The following TTC6 variants were observed in gnomAD, a reference collection of about 807,000 sequenced individuals.
TTC6 encodes the protein tetratricopeptide repeat protein 6.
TTC6 carries 172 observed loss-of-function variants against 210.4 expected under a neutral mutation model. The ratio of observed to expected loss-of-function variants is 0.82; its 90% CI spans 0.72 to 0.93. TTC6 has a LOEUF of 0.93. Among genes scored for constraint, TTC6 ranks in the 40% least tolerant of loss-of-function variants. The pLI, the probability that TTC6 is intolerant of heterozygous loss-of-function variation, is 0.00. For synonymous variants in TTC6, 804 were observed against 819.6 expected, an observed-to-expected ratio of 0.98 and a Z score of 0.32; for missense variants, 2,414 against 2,318.1, an observed-to-expected ratio of 1.04 and a Z score of -0.85.
At chr14:37,762,985 C>T (rs952272016) in intron 14 of TTC6, among the ~76,000 whole-genome samples, 7 of 150,626 alleles carry the variant, frequency 4.6e-5, no homozygotes, top group East Asian at 3.9e-4. Context: ...CCCGGGTTCA[C>T]GCCATTCTCC....
At chr14:37,675,758 T>C (rs1032328698) in intron 1 of TTC6, among the ~76,000 whole-genome samples, 7 of 151,906 alleles carry the variant, frequency 4.6e-5, no homozygotes, top group African/African-American at 1.4e-4. Context: ...TTCTTTTTTT[T>C]TTTTTTATAG....
intron 14 of TTC6, among the ~76,000 whole-genome samples, chr14:37,771,876 C>T (rs1405824607): frequency 1.3e-5 from 2 of 152,130 alleles, no homozygotes; most frequent in African/African-American, 2.4e-5. Flanking sequence ...GGAGGAGAGG[C>T]GCTCTGCTTT....
Position 37,730,861 on chromosome 14 carries a change from G to A in TTC6, c.1819-5060G>A, listed in dbSNP as rs114028681. Reference sequence around the variant, plus strand: ...GGTCTTGTTTAAAATGAAGACTTAAGTCTTTTTACATGTCATTTTTCCATT... The same window carrying A: ...GGTCTTGTTTAAAATGAAGACTTAAATCTTTTTACATGTCATTTTTCCATT... On this transcript the variant is annotated intron_variant, in intron 7 of 30. Coordinates refer to ENST00000553443, the Ensembl canonical transcript of TTC6. 4.2e-3 allele frequency among the ~76,000 whole-genome samples: 640 copies of A among 152,278 alleles called. 4 individuals are homozygous for A. The highest frequency in any genetic ancestry group is 0.015 in the African/African-American group (611 of 41,550).
intron 25 of TTC6, among the ~76,000 whole-genome samples, 171 bp from the exon 28 acceptor site, chr14:37,817,407 G>A (rs1260461075): frequency 6.6e-6 from 1 of 152,090 alleles, no homozygotes; most frequent in Non-Finnish European, 1.5e-5. Context: ...GATACTACAA[G>A]GAAAATATAA....
At chr14:37,646,109 T>C (rs1197347209) in intron 1 of TTC6, among the ~76,000 whole-genome samples, 1 of 152,090 alleles carries the variant, frequency 6.6e-6, no homozygotes, top group Non-Finnish European at 1.5e-5. Context: ...GAAAATGAAA[T>C]AACAGTGCAA....
At chr14:37,812,411 G>A (rs2139437858) in exon 25 of TTC6, 3 of 1,609,488 alleles carry the variant, frequency 1.9e-6, no homozygotes, top group Non-Finnish European at 2.5e-6. Context: ...GTAGAACTAG[G>A]CCAGTATGGC....
chr14:37,706,381 C>T (rs1035444470), intron 5 of TTC6, among the ~76,000 whole-genome samples: 1 of 152,072 alleles, frequency 6.6e-6, no homozygotes, highest in African/African-American at 2.4e-5. Flanking sequence ...GGTGTCTCCT[C>T]ATCTCTTGAC....
chr14:37,610,480 T>C (rs2095632499), intron 2 of TTC6, among the ~76,000 whole-genome samples: 2 of 152,218 alleles, frequency 1.3e-5, no homozygotes, highest in Admixed American at 1.3e-4. Context: ...CTAAGTGTAC[T>C]GAGCAAAGCA....
At chr14:37,618,913 A>G (rs1344439524), upstream of TTC6, among the ~76,000 whole-genome samples, 1 of 152,182 alleles carries the variant, frequency 6.6e-6, no homozygotes, top group Non-Finnish European at 1.5e-5. Context: ...CAAGTGGGAG[A>G]GTCAAGTCAG....
intron 10 of TTC6, among the ~76,000 whole-genome samples, chr14:37,741,516 C>G (rs2095919803): frequency 6.6e-6 from 1 of 152,024 alleles, no homozygotes; most frequent in African/African-American, 2.4e-5. Context: ...TCTCGAATTC[C>G]TGACTTCAGG....
At chr14:37,711,917 T>G (rs2095845362) in intron 5 of TTC6, among the ~76,000 whole-genome samples, 1 of 152,116 alleles carries the variant, frequency 6.6e-6, no homozygotes, top group Admixed American at 6.5e-5. Flanking sequence ...AGATTGGTGA[T>G]GAAGAGATTT....
At chr14:37,786,915 A>G (rs2096069062) in intron 14 of TTC6, among the ~76,000 whole-genome samples, 1 of 152,206 alleles carries the variant, frequency 6.6e-6, no homozygotes, top group African/African-American at 2.4e-5. Flanking sequence ...GATCTAAGTC[A>G]GTGATAATTT....
chr14:37,665,835 G>A (rs1282593210), intron 1 of TTC6, among the ~76,000 whole-genome samples: 2 of 150,270 alleles, frequency 1.3e-5, no homozygotes, highest in East Asian at 3.9e-4. Context: ...TCTTTGTGAT[G>A]AGATACTCAG....
intron 6 of TTC6, among the ~76,000 whole-genome samples, chr14:37,723,052 CATT>C (rs1006152050): frequency 6.6e-6 from 1 of 152,128 alleles, no homozygotes; most frequent in Non-Finnish European, 1.5e-5. Context: ...TACAGTACTA[CATT>C]ATTATTATTA....
chr14:37,724,039 C>G (rs986291604), intron 6 of TTC6, among the ~76,000 whole-genome samples: 4 of 151,922 alleles, frequency 2.6e-5, no homozygotes, highest in Non-Finnish European at 4.4e-5. Flanking sequence ...ATCTCCTAGG[C>G]CTGATTAATT....
chr14:37,643,515 A>G (rs1024809947), intron 1 of TTC6, among the ~76,000 whole-genome samples: 4 of 152,154 alleles, frequency 2.6e-5, no homozygotes, highest in African/African-American at 2.4e-5. Context: ...CAGGATTGCT[A>G]TGATCACATG....
intron 1 of TTC6, among the ~76,000 whole-genome samples, chr14:37,672,611 A>G (rs894937955): frequency 6.6e-6 from 1 of 152,176 alleles, no homozygotes; most frequent in African/African-American, 2.4e-5. Context: ...GCTATAACCT[A>G]GAATCAGGCA....
At chr14:37,769,008 A>T (rs932385884) in intron 14 of TTC6, among the ~76,000 whole-genome samples, 3 of 152,146 alleles carry the variant, frequency 2.0e-5, no homozygotes, top group Admixed American at 6.5e-5. Context: ...GTTTTTAGCA[A>T]GAAGGGCTGT....
rs145362406 is a variant in TTC6, at chr14:37,609,171, C to A, written c.-155+2429C>A. Among the ~76,000 whole-genome samples the A allele has an allele frequency of 3.7e-3, 564 of 152,194 alleles. 4 individuals are homozygous for A. The highest frequency in any genetic ancestry group is 0.013 in the African/African-American group (543 of 41,520). The stretch of plus-strand genomic sequence containing the variant: ...CAGTGGCTTGTGCATGTAACCCAGG[C>A]ACTTTGGGAGGCAGAGGTGAGAGGA... On this transcript the variant is annotated intron_variant, in intron 2 of 2. Coordinates refer to the TTC6 transcript ENST00000556845.
Sources: gnomAD v4.1 joint callset for allele counts (sites outside exome capture counted in the v4.1 genomes callset) on GRCh38, gnomAD v4.1.1 for gene constraint, MANE v1.5 for transcripts, NCBI Gene and HGNC (gene_info 2026-07-23, HGNC 2026-07-21) for gene names.